The following CUX1 variants were observed in gnomAD, a reference collection of about 807,000 sequenced individuals.
CUX1 encodes cut like homeobox 1.
In CUX1, 31 loss-of-function variants were observed where a neutral mutation model predicts 158.8. That is an observed-to-expected ratio of 0.20 (90% CI 0.15 to 0.26). CUX1 has a LOEUF of 0.26. CUX1 is among the 10% of genes least tolerant of loss of function. The pLI, the probability that CUX1 is intolerant of heterozygous loss-of-function variation, is 1.00. For synonymous variants in CUX1, 879 were observed against 862.1 expected (o/e 1.02, Z -0.34); for missense variants, 1,589 against 2,014.6 (o/e 0.79, Z 4.04).
Position 102,249,258 on chromosome 7 carries a change from C to T in CUX1, c.*216C>T, listed in dbSNP as rs1256999502. On this transcript the variant is annotated 3_prime_UTR_variant, in exon 24 of 24. Transcript: ENST00000292535. ...AAGGCCGCGGCCCAGACCCACTCTG[C>T]GGCCCGGGCCGACCCTGCGGCCTCC... 4 of 1,064,594 alleles carry T rather than the reference C, an allele frequency of 3.8e-6. No homozygotes were observed. The highest frequency in any genetic ancestry group is 1.7e-5 in the African/African-American group (1 of 58,918). The allele number at this position is 1,064,594 out of a possible 1,614,324, so 65.9% of individuals were successfully genotyped here. A position where few individuals can be genotyped will look rare whatever the true frequency, so the allele number is the denominator to read the frequency against.
chr7:101,885,766 T>G (rs1800159543), intron 1 of CUX1, among the ~76,000 whole-genome samples: 1 of 152,172 alleles, frequency 6.6e-6, no homozygotes, highest in Admixed American at 6.5e-5. Context: ...TCCAAAGATA[T>G]CTTGCCCAGC....
At chr7:101,980,427 T>A (rs1375538983) in intron 2 of CUX1, among the ~76,000 whole-genome samples, 1 of 152,100 alleles carries the variant, frequency 6.6e-6, no homozygotes, top group African/African-American at 2.4e-5. Flanking sequence ...GGAGGATTGC[T>A]CCACCCGAGA....
intron 4 of CUX1, among the ~76,000 whole-genome samples, chr7:102,085,875 T>A (rs1158696518): frequency 1.3e-5 from 2 of 152,210 alleles, no homozygotes; most frequent in Non-Finnish European, 2.9e-5. Context: ...ATTCAATTCA[T>A]CAGTGTTGCC....
intron 1 of CUX1, among the ~76,000 whole-genome samples, chr7:101,876,689 G>A (rs537786214): frequency 1.5e-4 from 22 of 150,350 alleles, no homozygotes; most frequent in Admixed American, 1.1e-3. Context: ...GCAAAACTCC[G>A]TCTAAAAAAA....
At chr7:102,063,387 T>C (rs1163330357) in intron 3 of CUX1, among the ~76,000 whole-genome samples, 3 of 136,316 alleles carry the variant, frequency 2.2e-5, no homozygotes, top group Non-Finnish European at 3.2e-5. Context: ...CCTTTTCTTT[T>C]TTTTTTTTTT....
chr7:102,261,653 G>A (rs906448505), downstream of CUX1, among the ~76,000 whole-genome samples: 5 of 151,952 alleles, frequency 3.3e-5, no homozygotes, highest in South Asian at 2.1e-4. Context: ...TCAGGGAGGC[G>A]TCAGTGTCTC....
chr7:102,236,837 C>T lies in CUX1; in HGVS notation c.3623-2483C>T, dbSNP rs139932554. 1.2e-3 allele frequency among the ~76,000 whole-genome samples: 179 copies of T among 152,316 alleles called. 2 individuals carry two copies. The highest frequency in any genetic ancestry group is 2.3e-3 in the Admixed American group (35 of 15,300). Reference sequence around the variant, plus strand: ...AATACATCTCCAGGGCTTCCCAGGCCTCCCATCTTTCCCTCGGCACAGGCT... The same window carrying T: ...AATACATCTCCAGGGCTTCCCAGGCTTCCCATCTTTCCCTCGGCACAGGCT... On this transcript the variant is annotated intron_variant, in intron 22 of 23. Coordinates refer to ENST00000292535, the MANE Select transcript of CUX1 (RefSeq NM_181552.4).
At chr7:101,943,413 C>T (rs1807962618) in intron 2 of CUX1, among the ~76,000 whole-genome samples, 1 of 151,998 alleles carries the variant, frequency 6.6e-6, no homozygotes, top group African/African-American at 2.4e-5. Context: ...GGCCTCTGGT[C>T]AGTGCTTCTG....
intron 2 of CUX1, among the ~76,000 whole-genome samples, chr7:101,985,269 G>GGA (rs1814136778): frequency 6.6e-6 from 1 of 152,308 alleles, no homozygotes; most frequent in Non-Finnish European, 1.5e-5. Flanking sequence ...TCTGCAGACG[G>GGA]GAGAGGGGGG....
chr7:101,828,158 T>C (rs1432644270), intron 1 of CUX1, among the ~76,000 whole-genome samples: 3 of 151,922 alleles, frequency 2.0e-5, no homozygotes, highest in Non-Finnish European at 4.4e-5. Flanking sequence ...ATAGTAGAGA[T>C]GGGTTTCACC....
chr7:102,133,528 T>G (rs1833559841), intron 8 of CUX1, among the ~76,000 whole-genome samples: 1 of 135,780 alleles, frequency 7.4e-6, no homozygotes, highest in African/African-American at 2.9e-5. Context: ...CAGGCTGGAG[T>G]GCAGTGATGC....
At chr7:101,836,861 G>A (rs1039750535) in intron 1 of CUX1, among the ~76,000 whole-genome samples, 7 of 152,156 alleles carry the variant, frequency 4.6e-5, no homozygotes, top group African/African-American at 1.7e-4. Context: ...GCGGTGGGGG[G>A]CAGGGGAGAC....
intron 2 of CUX1, among the ~76,000 whole-genome samples, chr7:102,002,114 C>T (rs538478843): frequency 4.6e-5 from 7 of 152,198 alleles, no homozygotes; most frequent in East Asian, 1.9e-4. Context: ...GGCAACATAA[C>T]GAGACCCCCA....
At chr7:102,122,655 AT>A (rs564521598) in intron 8 of CUX1, among the ~76,000 whole-genome samples, 20 of 152,180 alleles carry the variant, frequency 1.3e-4, no homozygotes, top group Non-Finnish European at 2.8e-4. Context: ...CCAGGTAGAA[AT>A]TCCTCTGAGC....
At chr7:102,187,321 C>T (rs1230209826) in intron 11 of CUX1, among the ~76,000 whole-genome samples, 2 of 152,054 alleles carry the variant, frequency 1.3e-5, no homozygotes, top group Admixed American at 1.3e-4. Flanking sequence ...ATAGTGTGAC[C>T]TCGTCACTAC....
chr7:102,037,520 T>C (rs1458654919), intron 3 of CUX1, among the ~76,000 whole-genome samples: 2 of 151,616 alleles, frequency 1.3e-5, no homozygotes, highest in Non-Finnish European at 2.9e-5. Flanking sequence ...GCCCAGCTAA[T>C]TTTGTATTTT....
chr7:102,278,419 G>A (rs58887432), intron 18 of CUX1, among the ~76,000 whole-genome samples: 2,586 of 151,704 alleles, frequency 0.017, 76 homozygotes, highest in African/African-American at 0.058. Context: ...GTGAAACCCC[G>A]TCTCTACTAA....
chr7:102,248,479 A>C lies in CUX1; in HGVS notation c.3955A>C (p.Ser1319Arg), dbSNP rs1801063864. ...QAGSQGQAGASDSPSARSGRA... is the reference protein window; with the variant it reads ...QAGSQGQAGARDSPSARSGRA... ...CGGGAGTCAGGGCCAGGCGGGCGCCAGCGACTCACCCTCGGCCCGCAGCGG... is the reference window on the plus strand; with the variant it reads ...CGGGAGTCAGGGCCAGGCGGGCGCCCGCGACTCACCCTCGGCCCGCAGCGG... Residue 1319 changes from serine to arginine, a missense_variant, in exon 24 of 24, where the codon AGC (serine) becomes CGC (arginine). Physicochemically the swap from Ser to Arg is moderately radical, Grantham distance 110 (BLOSUM62 -1). Around this residue, in one of 8 missense-constraint regions of CUX1, gnomAD observed 344 missense variants for 323.7 expected, o/e 1.06. Coordinates refer to ENST00000292535, the MANE Select transcript of CUX1 (RefSeq NM_181552.4). The surrounding 1 kb of genome is among the most constrained non-coding windows in gnomAD (Gnocchi z 5.8). 1.3e-6 allele frequency: 2 copies of C among 1,592,148 alleles called. No homozygotes were observed. The highest frequency in any genetic ancestry group is 1.7e-6 in the Non-Finnish European group (2 of 1,173,196).
At chr7:102,056,862 C>T (rs566661567) in intron 3 of CUX1, among the ~76,000 whole-genome samples, 1 of 151,288 alleles carries the variant, frequency 6.6e-6, no homozygotes, top group African/African-American at 2.4e-5. Context: ...AGCCACCACA[C>T]TCGGCTGATA....
Sources: allele counts gnomAD v4.1 joint callset (sites outside exome capture counted in the v4.1 genomes callset), GRCh38; gene constraint gnomAD v4.1.1; regional missense constraint gnomAD v4.1.1; non-coding constraint Gnocchi (gnomAD v3.1); transcripts MANE v1.5; gene names NCBI Gene and HGNC (gene_info 2026-07-23, HGNC 2026-07-21).